The following POLB variants were observed in gnomAD, a reference collection of about 807,000 sequenced individuals.
The protein encoded by POLB is DNA polymerase beta.
In POLB, 37 loss-of-function variants were observed where a neutral mutation model predicts 52.7. That is an observed-to-expected ratio of 0.70 (90% CI 0.54 to 0.92). The LOEUF (loss-of-function observed/expected upper bound fraction) is 0.92, where lower values mean the gene tolerates loss of function less well. Among genes scored for constraint, POLB ranks in the 40% least tolerant of loss-of-function variants. The pLI is 0.00. For missense variants in POLB, 313 were observed against 400.8 expected (o/e 0.78, Z 1.87); for synonymous variants, 138 against 131.3 (o/e 1.05, Z -0.35).
chr8:42,339,011 G>A lies in POLB; in HGVS notation c.62-1G>A. 6.2e-7 allele frequency: 1 copy of A among 1,613,694 alleles called. No individual in the cohort carries two copies. The highest frequency in any genetic ancestry group is 8.5e-7 in the Non-Finnish European group (1 of 1,179,594). ...CACCCGAGCCTTCTGTTGCCTTTCA[G>A]AACTCGCAAACTTTGAGAAGAACGT... is the stretch of plus-strand genomic sequence containing the variant. On this transcript the variant is annotated splice_acceptor_variant, in intron 1 of 13. Transcript: ENST00000265421. LOFTEE classifies it high-confidence loss of function.
Position 42,357,341 on chromosome 8 carries a change from A to G in POLB, c.499A>G (p.Lys167Glu), listed in dbSNP as rs987370857. ...QMQDIVLNEV[K>E]KVDSEYIATV... is the part of the protein sequence containing the mutation. ...TTAGGATATTGTACTAAATGAAGTT[A>G]AAAAAGTGGATTCTGAATACATTGC... Residue 167 changes from lysine (K) to glutamate (E), a missense_variant, in exon 9 of 14, where the codon AAA becomes GAA. Around this residue, in one of 3 missense-constraint regions of POLB, gnomAD observed 246 missense variants for 297.6 expected, o/e 0.83. Transcript: ENST00000265421. 3.2e-6 allele frequency: 5 copies of G among 1,575,598 alleles called. No individual in the cohort carries two copies. The highest frequency in any genetic ancestry group is 4.4e-6 in the Non-Finnish European group (5 of 1,145,404).
chr8:42,350,856 T>C (rs1370405518), intron 5 of POLB, among the ~76,000 whole-genome samples: 4 of 130,382 alleles, frequency 3.1e-5, no homozygotes, highest in Admixed American at 1.9e-4. Flanking sequence ...AAATTTTCAT[T>C]GGAAGAATTA....
At chr8:42,364,266 G>T (rs1428175716) in intron 11 of POLB, among the ~76,000 whole-genome samples, 1 of 150,894 alleles carries the variant, frequency 6.6e-6, no homozygotes, top group East Asian at 2.0e-4. Flanking sequence ...TTGAAACAGG[G>T]TCTTGCTCTG....
At chr8:42,355,594 C>G in intron 7 of POLB, 27 bp downstream of exon 7, 1 of 1,482,522 alleles carries the variant, frequency 6.7e-7, no homozygotes, top group Non-Finnish European at 9.4e-7. Context: ...TCTTTTGACA[C>G]TTGAGATATA....
chr8:42,338,646 C>T lies in POLB; in HGVS notation c.22C>T (p.Gln8Ter). 2 of 1,614,194 alleles carry T rather than the reference C, an allele frequency of 1.2e-6. No individual in the cohort carries two copies. The highest frequency in any genetic ancestry group is 1.7e-6 in the Non-Finnish European group (2 of 1,180,012). The change falls in exon 1 of 14, where the codon CAG becomes TAG. Residue 8 changes from glutamine to a stop codon, truncating the protein, a stop_gained. Transcript: ENST00000265421. LOFTEE classifies it high-confidence loss of function. ...CGCCATGAGCAAACGGAAGGCGCCG[C>T]AGGAGACTCTCAACGGGGGAATCAC... MSKRKAPQETLNGGITDM... is the reference protein window; with the variant it reads MSKRKAP
intron 11 of POLB, among the ~76,000 whole-genome samples, chr8:42,363,966 A>C: frequency 7.3e-6 from 1 of 136,760 alleles, no homozygotes. Context: ...CACTCTTGTC[A>C]CCCGGGCTGG....
chr8:42,353,078 AAAAAAAGAAG>A (rs1344524351), intron 6 of POLB, among the ~76,000 whole-genome samples: 3 of 151,988 alleles, frequency 2.0e-5, no homozygotes, highest in Non-Finnish European at 4.4e-5. Flanking sequence ...TGTCTCAAAA[AAAAAAAGAAG>A]AAGACCAAGA....
At chr8:42,369,407 A>G (rs1585924317) in intron 12 of POLB, 72 bp downstream of exon 12, 5 of 866,996 alleles carry the variant, frequency 5.8e-6, no homozygotes, top group East Asian at 5.0e-5. Flanking sequence ...CCCTGTTTGT[A>G]TCTTGGAGTT....
chr8:42,371,525 C>T (rs1824397347), intron 13 of POLB, 38 bp from the exon 14 acceptor site: 1 of 1,206,126 alleles, frequency 8.3e-7, no homozygotes, highest in Admixed American at 1.8e-5. Flanking sequence ...AACTATAAAA[C>T]TGGTTCTTAC....
intron 7 of POLB, among the ~76,000 whole-genome samples, chr8:42,356,098 C>T (rs1823299925): frequency 6.6e-6 from 1 of 152,060 alleles, no homozygotes. Flanking sequence ...GTCTGGGAAC[C>T]CCTTTTCTAA....
intron 2 of POLB, among the ~76,000 whole-genome samples, chr8:42,343,118 C>G (rs1021593289): frequency 6.6e-6 from 1 of 151,462 alleles, no homozygotes; most frequent in Admixed American, 6.6e-5. Context: ...GTCAGGAGAT[C>G]GAGACCATCC....
intron 10 of POLB, 131 bp downstream of exon 10, chr8:42,361,496 T>C: frequency 3.0e-6 from 2 of 674,956 alleles, no homozygotes; most frequent in Non-Finnish European, 5.2e-6. Context: ...AGCTTTGTAC[T>C]GATTGAATTC....
intron 2 of POLB, chr8:42,339,319 G>T: frequency 2.0e-6 from 1 of 503,726 alleles, no homozygotes; most frequent in South Asian, 2.4e-5. Context: ...CATCAAACAT[G>T]AATTACTAGA....
chr8:42,344,359 C>G (rs930439975), intron 2 of POLB, among the ~76,000 whole-genome samples: 1 of 151,312 alleles, frequency 6.6e-6, no homozygotes, highest in Non-Finnish European at 1.5e-5. Context: ...ATCCCAGCAA[C>G]TTGGGAAGCT....
intron 3 of POLB, among the ~76,000 whole-genome samples, chr8:42,346,192 G>T (rs537151932): frequency 6.6e-6 from 1 of 152,230 alleles, no homozygotes; most frequent in Middle Eastern, 3.4e-3. Context: ...AAAGTGCTGG[G>T]ATTATAGTCG....
chr8:42,366,719 A>G (rs1824061788), intron 11 of POLB, among the ~76,000 whole-genome samples: 1 of 152,210 alleles, frequency 6.6e-6, no homozygotes, highest in Non-Finnish European at 1.5e-5. Flanking sequence ...TTCTGGCTCC[A>G]TTACTAATAC....
intron 9 of POLB, among the ~76,000 whole-genome samples, chr8:42,359,902 T>C (rs1471166574): frequency 6.6e-6 from 1 of 152,044 alleles, no homozygotes; most frequent in Non-Finnish European, 1.5e-5. Context: ...TTTTCTTGAT[T>C]AAAATAGTTT....
At chr8:42,355,345 G>C (rs1288119639) in intron 6 of POLB, 171 bp from the exon 7 acceptor site, 2 of 541,712 alleles carry the variant, frequency 3.7e-6, no homozygotes, top group Non-Finnish European at 6.9e-6. Flanking sequence ...GCCCTGAAGA[G>C]TCACTTTTAT....
At chr8:42,369,400 T>C (rs1824238465) in intron 12 of POLB, 65 bp downstream of exon 12, 1 of 922,264 alleles carries the variant, frequency 1.1e-6, no homozygotes, top group Non-Finnish European at 1.8e-6. Flanking sequence ...TCTCCCTCCC[T>C]GTTTGTATCT....
Sources: allele counts gnomAD v4.1 joint callset (sites outside exome capture counted in the v4.1 genomes callset), GRCh38; gene constraint gnomAD v4.1.1; regional missense constraint gnomAD v4.1.1; transcripts MANE v1.5; gene names NCBI Gene and HGNC (gene_info 2026-07-23, HGNC 2026-07-21).